Variants in RAB38 observed in about 807,000 individuals in gnomAD.
The protein encoded by RAB38 is RAB38, member RAS oncogene family, also known as ras-related protein Rab-38.
Under a neutral mutation model 18.4 loss-of-function variants are expected in RAB38, and 15 were observed. That is an observed-to-expected ratio of 0.82 (90% CI 0.55 to 1.26). RAB38 has a LOEUF of 1.26. Among genes scored for constraint, RAB38 ranks in the 50% most tolerant of loss-of-function variants. RAB38 has a pLI of 0.00. For synonymous variants in RAB38, 101 were observed against 104.4 expected, an observed-to-expected ratio of 0.97 and a Z score of 0.20; for missense variants, 294 against 267.4, an observed-to-expected ratio of 1.10 and a Z score of -0.69.
At chr11:87,936,762 T>C in the RAB38 span, among the ~76,000 whole-genome samples, 1 of 152,110 alleles carries the variant, frequency 6.6e-6, no homozygotes, top group African/African-American at 2.4e-5. Flanking sequence ...GATTATCAAT[T>C]TGGGGAGAAC....
chr11:87,959,333 G>A, the RAB38 span, among the ~76,000 whole-genome samples: 1 of 152,126 alleles, frequency 6.6e-6, no homozygotes, highest in Non-Finnish European at 1.5e-5. Flanking sequence ...ATTACCTTAT[G>A]TAATTTGTAC....
the RAB38 span, among the ~76,000 whole-genome samples, chr11:87,899,357 A>G: frequency 1.3e-5 from 2 of 151,632 alleles, no homozygotes; most frequent in African/African-American, 4.8e-5. Flanking sequence ...AAAAAATGTC[A>G]TTTATTAGCT....
the RAB38 span, among the ~76,000 whole-genome samples, chr11:88,091,318 C>A: frequency 6.6e-6 from 1 of 152,006 alleles, no homozygotes; most frequent in African/African-American, 2.4e-5. Context: ...GGACCAGTGA[C>A]CTGATAGCCT....
the RAB38 span, among the ~76,000 whole-genome samples, chr11:87,821,776 G>A: frequency 2.6e-5 from 4 of 151,440 alleles, no homozygotes; most frequent in East Asian, 1.9e-4. Context: ...GCTTGCACCC[G>A]GTGGGCAGAG....
the RAB38 span, among the ~76,000 whole-genome samples, chr11:87,972,371 G>A: frequency 4.6e-5 from 7 of 152,044 alleles, no homozygotes; most frequent in Non-Finnish European, 8.8e-5. Context: ...AAATCTTTCA[G>A]TCAAACAGTG....
chr11:87,904,138 A>G, the RAB38 span, among the ~76,000 whole-genome samples: 4 of 151,584 alleles, frequency 2.6e-5, no homozygotes, highest in Admixed American at 2.0e-4. Context: ...TACACATGCC[A>G]GTTTGTTATT....
chr11:87,886,537 C>T, the RAB38 span, among the ~76,000 whole-genome samples: 1 of 151,914 alleles, frequency 6.6e-6, no homozygotes, highest in African/African-American at 2.4e-5. Context: ...TAAGGATTTA[C>T]CAGCACACTA....
At chr11:88,049,825 C>T in the RAB38 span, among the ~76,000 whole-genome samples, 4 of 152,276 alleles carry the variant, frequency 2.6e-5, no homozygotes, top group South Asian at 6.2e-4. Flanking sequence ...AAAAATTCAC[C>T]GTCTGGGCCA....
At chr11:87,859,791 C>T in the RAB38 span, among the ~76,000 whole-genome samples, 1 of 152,040 alleles carries the variant, frequency 6.6e-6, no homozygotes, top group Admixed American at 6.6e-5. Flanking sequence ...GGCTCTGCTT[C>T]CACTATTTTG....
chr11:87,970,696 G>A, the RAB38 span, among the ~76,000 whole-genome samples: 5 of 152,080 alleles, frequency 3.3e-5, no homozygotes, highest in South Asian at 2.1e-4. Flanking sequence ...GGAGAAGGGC[G>A]CTAGGGTGAA....
the RAB38 span, among the ~76,000 whole-genome samples, chr11:87,857,258 T>C: frequency 6.6e-6 from 1 of 152,238 alleles, no homozygotes; most frequent in Non-Finnish European, 1.5e-5. Flanking sequence ...TAATCCAGTC[T>C]ATCACTGATG....
chr11:88,018,756 A>G, the RAB38 span, among the ~76,000 whole-genome samples: 2 of 152,284 alleles, frequency 1.3e-5, no homozygotes, highest in African/African-American at 4.8e-5. Context: ...GCTTACTTAT[A>G]ATATCTAATA....
the RAB38 span, among the ~76,000 whole-genome samples, chr11:88,034,369 C>T: frequency 2.0e-5 from 3 of 152,264 alleles, no homozygotes; most frequent in South Asian, 6.2e-4. Flanking sequence ...CATAAATGCC[C>T]AAGAACACAA....
the RAB38 span, among the ~76,000 whole-genome samples, chr11:88,090,628 G>A: frequency 6.6e-6 from 1 of 151,846 alleles, no homozygotes; most frequent in African/African-American, 2.4e-5. Context: ...ATAACTTTAG[G>A]GCAGAAAACA....
the RAB38 span, among the ~76,000 whole-genome samples, chr11:88,052,171 A>C: frequency 6.6e-6 from 1 of 152,300 alleles, no homozygotes; most frequent in African/African-American, 2.4e-5. Context: ...GTTGGGGTTG[A>C]CAGTGAAATA....
At chr11:87,898,780 T>C in the RAB38 span, among the ~76,000 whole-genome samples, 1 of 151,772 alleles carries the variant, frequency 6.6e-6, no homozygotes, top group African/African-American at 2.4e-5. Context: ...CTTATCATAC[T>C]TCCAGTTACT....
the RAB38 span, among the ~76,000 whole-genome samples, chr11:87,937,653 G>A: frequency 6.6e-6 from 1 of 151,764 alleles, no homozygotes; most frequent in Admixed American, 6.6e-5. Flanking sequence ...TTAGGCGAGT[G>A]GTGGTAGTTT....
the RAB38 span, among the ~76,000 whole-genome samples, chr11:87,931,863 C>T: frequency 6.6e-6 from 1 of 151,730 alleles, no homozygotes; most frequent in South Asian, 2.1e-4. Context: ...ACTAACGAAG[C>T]AGCACCTCCA....
chr11:88,112,446 T>C (rs571170013), downstream of RAB38, among the ~76,000 whole-genome samples: 28 of 152,078 alleles, frequency 1.8e-4, no homozygotes, highest in Non-Finnish European at 2.9e-4. Context: ...TCCAAAGAAT[T>C]TGGGGATTCA....
Sources: allele counts gnomAD v4.1 joint callset (sites outside exome capture counted in the v4.1 genomes callset), GRCh38; gene constraint gnomAD v4.1.1; transcripts MANE v1.5; gene names NCBI Gene and HGNC (gene_info 2026-07-23, HGNC 2026-07-21).